FURIN: variants seen among roughly 807,000 people sequenced by gnomAD.
FURIN encodes the protein FES upstream region.
Under a neutral mutation model 89.2 loss-of-function variants are expected in FURIN, and 18 were observed. That is an observed-to-expected ratio of 0.20 (90% CI 0.14 to 0.30). FURIN has a LOEUF of 0.30. Among genes scored for constraint, FURIN ranks in the 10% least tolerant of loss-of-function variants. The pLI, the probability that FURIN is intolerant of heterozygous loss-of-function variation, is 1.00. For missense variants in FURIN, 879 were observed against 1,100.5 expected (o/e 0.80, Z 2.85); for synonymous variants, 508 against 466.4 (o/e 1.09, Z -1.15).
chr15:90,881,916 T>G lies in FURIN; in HGVS notation c.*38T>G, dbSNP rs1194436522. 3 of 1,389,696 alleles carry G rather than the reference T, an allele frequency of 2.2e-6. No individual in the cohort carries two copies. The South Asian group carries it at 3.7e-5, about 17-fold the overall frequency. 86.1% of individuals were successfully genotyped at this position (1,389,696 alleles called of 1,614,324 possible). On this transcript the variant is annotated 3_prime_UTR_variant, in exon 16 of 16. Coordinates refer to ENST00000268171, the MANE Select transcript of FURIN (RefSeq NM_002569.4). The surrounding 1 kb of genome is among the most constrained non-coding windows in gnomAD (Gnocchi z 4.3). ...CCACCCCCTCAAGCCAATCCCCTCC[T>G]TGGGCACTTTTTAATTCACCAAAGT...
In FURIN at chr15:90,877,637, C is replaced by A. The variant is rs767192444; in HGVS notation, c.667+22C>A. 5.3e-6 allele frequency: 8 copies of A among 1,512,596 alleles called. No homozygotes were observed. The South Asian group carries it at 8.5e-5, about 16-fold the overall frequency. 93.7% of individuals were successfully genotyped at this position (1,512,596 alleles called of 1,614,324 possible). On this transcript the variant is annotated intron_variant, in intron 7 of 15. Coordinates refer to ENST00000268171, the MANE Select transcript of FURIN (RefSeq NM_002569.4). Reference sequence around the variant, plus strand: ...GGAGGTGAGTGTGGGCCTGGGCCACCCTGTCTTCAGGAGGGCCCTTCAGTG... The same window carrying A: ...GGAGGTGAGTGTGGGCCTGGGCCACACTGTCTTCAGGAGGGCCCTTCAGTG...
At chr15:90,879,080 G>A in intron 9 of FURIN, 104 bp downstream of exon 9, 1 of 734,976 alleles carries the variant, frequency 1.4e-6, no homozygotes, top group South Asian at 1.7e-5. Context: ...ATGTGGCTGG[G>A]TGATAGTGGC....
chr15:90,877,368 G>A lies in FURIN; in HGVS notation c.578+157G>A, dbSNP rs575104539. On this transcript the variant is annotated intron_variant, in intron 6 of 15. Transcript: ENST00000268171. ...TCTGAGGGAGGGCTCGGTCAGAGTG[G>A]AGATGGCCACAGGCCCAGTGGAGTG... Among the ~76,000 whole-genome samples, 12 of 152,364 alleles carry A rather than the reference G, an allele frequency of 7.9e-5. No homozygotes were observed. The South Asian group carries it at 2.5e-3, about 32-fold the overall frequency.
chr15:90,874,422 C>T (rs1596074727), intron 1 of FURIN, among the ~76,000 whole-genome samples: 1 of 152,234 alleles, frequency 6.6e-6, no homozygotes, highest in Non-Finnish European at 1.5e-5. Flanking sequence ...GGCTTGGCGG[C>T]CCCAGCGTTC....
chr15:90,878,960 A>G lies in FURIN; in HGVS notation c.1037A>G (p.Gln346Arg). 1 of 1,593,372 alleles carries G rather than the reference A, an allele frequency of 6.3e-7. No individual in the cohort carries two copies. Among genetic ancestry groups the G allele is most frequent in the Non-Finnish European group, 8.6e-7 (1 of 1,167,398 alleles). The change falls in exon 9 of 16, where the codon CAG (glutamine) becomes CGG (arginine). Residue 346 changes from glutamine to arginine, a missense_variant. This residue lies in a region of FURIN where 156 missense variants were observed against 243.7 expected (regional missense o/e 0.64). Transcript: ENST00000268171. Reference protein sequence around the residue: ...TLATTYSSGNQNEKQIVTTDL... With the variant: ...TLATTYSSGNRNEKQIVTTDL... ...GCCACGACCTACAGCAGTGGCAACC[A>G]GAATGAGAAGCAGATCGTGAGTCTT...
Position 90,876,019 on chromosome 15 carries a change from T to A in FURIN, c.177+102T>A. 9.4e-7 allele frequency: 1 copy of A among 1,065,264 alleles called. No homozygotes were observed. Among genetic ancestry groups the A allele is most frequent in the Non-Finnish European group, 1.3e-6 (1 of 746,770 alleles). 66.0% of individuals were successfully genotyped at this position (1,065,264 alleles called of 1,614,324 possible). A position where few individuals can be genotyped will look rare whatever the true frequency, so the allele number is the denominator to read the frequency against. On this transcript the variant is annotated intron_variant, in intron 2 of 15. Coordinates refer to ENST00000268171, the MANE Select transcript of FURIN (RefSeq NM_002569.4). The surrounding 1 kb of genome is among the most constrained non-coding windows in gnomAD (Gnocchi z 5.0). ...CCTTGTTTGCTCAGGGGCATCTGGG[T>A]AGCCGGCATGTTCTGGGTGGCCATG...
intron 13 of FURIN, 84 bp from the exon 14 acceptor site, chr15:90,880,607 T>G: frequency 2.1e-6 from 3 of 1,448,640 alleles, no homozygotes; most frequent in Non-Finnish European, 2.8e-6. Flanking sequence ...GGGGGAAGGG[T>G]GTGTGGCCCA....
At position 90,877,306 on chromosome 15, in the gene FURIN, G is replaced by A. The variant is rs934667608; in HGVS notation, c.578+95G>A. On this transcript the variant is annotated intron_variant, in intron 6 of 15. Transcript: ENST00000268171. ...GGGTGAGATGTGCCTTGCCTAAAAG[G>A]CTGAGGCTTTTCCCACAGTCCTGGC... 3.0e-5 allele frequency: 35 copies of A among 1,154,084 alleles called. No individual in the cohort carries two copies. In the East Asian group the frequency reaches 8.9e-4, roughly 29 times the overall value. The allele number at this position is 1,154,084 out of a possible 1,614,324, so 71.5% of individuals were successfully genotyped here.
chr15:90,877,351 A>C (rs2031688315), intron 6 of FURIN, 140 bp downstream of exon 6: 2 of 935,036 alleles, frequency 2.1e-6, no homozygotes, highest in South Asian at 3.4e-5. Context: ...GCTCTGAGGG[A>C]GGGCTCGGTC....
In FURIN at chr15:90,882,136, C is replaced by T. The variant is rs553515299; in HGVS notation, c.*258C>T. 1.8e-5 allele frequency: 8 copies of T among 452,854 alleles called. No individual in the cohort carries two copies. The highest frequency in any genetic ancestry group is 1.2e-3 in the Middle Eastern group (2 of 1,714). 28.1% of individuals were successfully genotyped at this position (452,854 alleles called of 1,614,324 possible). A position where few individuals can be genotyped will look rare whatever the true frequency, so the allele number is the denominator to read the frequency against. ...GGAGTGAAACCTTTAGGGCAGCTTG[C>T]CCCGGCCCCGGCCCCAGCCAGAGTT... is the stretch of plus-strand genomic sequence containing the variant. On this transcript the variant is annotated 3_prime_UTR_variant, in exon 16 of 16. Coordinates refer to ENST00000268171, the MANE Select transcript of FURIN (RefSeq NM_002569.4).
At position 90,880,782 on chromosome 15, in the gene FURIN, G is replaced by A; in HGVS notation, c.1648G>A (p.Glu550Lys). The change falls in exon 14 of 16, where the codon GAG becomes AAG. Residue 550 changes from glutamate to lysine, a missense_variant. Coordinates refer to ENST00000268171, the MANE Select transcript of FURIN (RefSeq NM_002569.4). Reference protein sequence around the residue: ...DEDPSGEWVLEIENTSEANNY... With the variant: ...DEDPSGEWVLKIENTSEANNY... ...GGATCCCTCTGGCGAGTGGGTCCTA[G>A]AGATTGAAAACACCAGCGAAGCCAA... is the stretch of plus-strand genomic sequence containing the variant. 6.2e-7 allele frequency: 1 copy of A among 1,613,964 alleles called. No individual in the cohort carries two copies.
At position 90,881,320 on chromosome 15, in the gene FURIN, C is replaced by G; in HGVS notation, c.1827C>G (p.Ser609Arg). The change falls in exon 16 of 16, where the codon AGC becomes AGG. Residue 609 changes from serine to arginine, a missense_variant. By Grantham distance (110) the Ser-to-Arg change is moderately radical. This residue lies in a region of FURIN where 457 missense variants were observed against 490.7 expected (regional missense o/e 0.93). Coordinates refer to ENST00000268171, the MANE Select transcript of FURIN (RefSeq NM_002569.4). The surrounding 1 kb of genome is among the most constrained non-coding windows in gnomAD (Gnocchi z 4.3). ...CEEGFSLHQK[S>R]CVQHCPPGFA... ...AAGGCTTCTCCCTGCACCAGAAGAG[C>G]TGTGTCCAGCACTGCCCTCCAGGGT... The G allele has an allele frequency of 6.2e-7, 1 of 1,609,366 alleles. No individual in the cohort carries two copies. Among genetic ancestry groups the G allele is most frequent in the Non-Finnish European group, 8.5e-7 (1 of 1,177,298 alleles).
chr15:90,876,690 C>T lies in FURIN; in HGVS notation c.372+133C>T. On this transcript the variant is annotated intron_variant, in intron 4 of 15. Transcript: ENST00000268171. This position sits in a 1 kb window ranked among gnomAD's most constrained non-coding sequence, Gnocchi z 5.0. Reference sequence around the variant, plus strand: ...CCTTTCCTCCTGCTGGGCAGTCTCTCCTTGGCCCATCCTAATAAGCAAGCC... The same window carrying T: ...CCTTTCCTCCTGCTGGGCAGTCTCTTCTTGGCCCATCCTAATAAGCAAGCC... 1 of 813,964 alleles carries T rather than the reference C, an allele frequency of 1.2e-6. No homozygotes were observed. 50.4% of individuals were successfully genotyped at this position (813,964 alleles called of 1,614,324 possible).
rs747205781 is a variant in FURIN, at chr15:90,878,176, C to T, written c.712C>T (p.Arg238Cys). ...DGEVTDAVEA[R>C]SLGLNPNHIH... ...CGAGGTGACAGATGCAGTGGAGGCA[C>T]GCTCGCTGGGCCTGAACCCCAACCA... is the stretch of plus-strand genomic sequence containing the variant. The change falls in exon 8 of 16, where the codon CGC becomes TGC. Residue 238 changes from arginine (R) to cysteine (C), a missense_variant. Around this residue, in one of 5 missense-constraint regions of FURIN, gnomAD observed 139 missense variants for 215.0 expected, o/e 0.65. Coordinates refer to ENST00000268171, the MANE Select transcript of FURIN (RefSeq NM_002569.4). 36 of 1,613,732 alleles carry T rather than the reference C, an allele frequency of 2.2e-5. No homozygotes were observed. Among genetic ancestry groups the T allele is most frequent in the South Asian group, 6.6e-5 (6 of 91,090 alleles).
Position 90,881,429 on chromosome 15 carries a change from G to C in FURIN, c.1936G>C (p.Ala646Pro). The stretch of plus-strand genomic sequence containing the variant: ...GGCCAGCGTCTGCGCCCCCTGCCAC[G>C]CCTCATGTGCCACATGCCAGGGGCC... ...IRASVCAPCH[A>P]SCATCQGPAL... Residue 646 changes from alanine to proline, a missense_variant, in exon 16 of 16, where the codon GCC becomes CCC. This residue lies in a region of FURIN where 457 missense variants were observed against 490.7 expected (regional missense o/e 0.93). Transcript: ENST00000268171. The surrounding 1 kb of genome is among the most constrained non-coding windows in gnomAD (Gnocchi z 4.3). 3 of 1,612,474 alleles carry C rather than the reference G, an allele frequency of 1.9e-6. No individual in the cohort carries two copies. Among genetic ancestry groups the C allele is most frequent in the Non-Finnish European group, 8.5e-7 (1 of 1,179,896 alleles).
At position 90,878,886 on chromosome 15, in the gene FURIN, G is replaced by T. The variant is rs148427298; in HGVS notation, c.963G>T (p.Thr321=). The T allele has an allele frequency of 6.2e-7, 1 of 1,612,964 alleles. No individual in the cohort carries two copies. The change falls in exon 9 of 16, where the codon ACG becomes ACT. Residue 321 remains threonine (T), a synonymous_variant. Transcript: ENST00000268171. ...SIYTLSISSA[T]QFGNVPWYSE... is the part of the protein sequence containing the mutation. Reference sequence around the variant, plus strand: ...ACACGCTGTCCATCAGCAGCGCCACGCAGTTTGGCAACGTGCCGTGGTACA... The same window carrying T: ...ACACGCTGTCCATCAGCAGCGCCACTCAGTTTGGCAACGTGCCGTGGTACA...
At position 90,881,439 on chromosome 15, in the gene FURIN, C is replaced by T. The variant is rs1267948590; in HGVS notation, c.1946C>T (p.Ala649Val). The change falls in exon 16 of 16, where the codon GCC becomes GTC. Residue 649 changes from alanine (A) to valine (V), a missense_variant. Physicochemically the swap from Ala to Val is moderately conservative, Grantham distance 64. This residue lies in a region of FURIN where 457 missense variants were observed against 490.7 expected (regional missense o/e 0.93). Coordinates refer to ENST00000268171, the MANE Select transcript of FURIN (RefSeq NM_002569.4). This position sits in a 1 kb window ranked among gnomAD's most constrained non-coding sequence, Gnocchi z 4.3. The stretch of plus-strand genomic sequence containing the variant: ...TGCGCCCCCTGCCACGCCTCATGTG[C>T]CACATGCCAGGGGCCGGCCCTGACA... ...SVCAPCHASC[A>V]TCQGPALTDC... is the part of the protein sequence containing the mutation. The T allele has an allele frequency of 3.1e-6, 5 of 1,612,548 alleles. No individual in the cohort carries two copies. Among genetic ancestry groups the T allele is most frequent in the Non-Finnish European group, 3.4e-6 (4 of 1,179,940 alleles).
chr15:90,879,569 A>G (rs752346950), intron 10 of FURIN, 25 bp downstream of exon 10: 1 of 1,572,396 alleles, frequency 6.4e-7, no homozygotes, highest in South Asian at 1.1e-5. Flanking sequence ...GCCAGCGGCA[A>G]CCCTGTCCCT....
Position 90,878,180 on chromosome 15 carries a change from C to T in FURIN, c.716C>T (p.Ser239Leu). 6.2e-7 allele frequency: 1 copy of T among 1,613,896 alleles called. No homozygotes were observed. Among genetic ancestry groups the T allele is most frequent in the Non-Finnish European group, 8.5e-7 (1 of 1,179,988 alleles). ...GEVTDAVEARSLGLNPNHIHI... is the reference protein window; with the variant it reads ...GEVTDAVEARLLGLNPNHIHI... ...GTGACAGATGCAGTGGAGGCACGCT[C>T]GCTGGGCCTGAACCCCAACCACATC... Residue 239 changes from serine (S) to leucine (L), a missense_variant, in exon 8 of 16, where the codon TCG (serine) becomes TTG (leucine). Ser to Leu is a moderately radical substitution (Grantham distance 145). This residue lies in a region of FURIN where 139 missense variants were observed against 215.0 expected (regional missense o/e 0.65). Transcript: ENST00000268171.
Sources: gnomAD v4.1 joint callset for allele counts (sites outside exome capture counted in the v4.1 genomes callset) on GRCh38, gnomAD v4.1.1 for gene constraint, gnomAD v4.1.1 regional missense constraint, Gnocchi (gnomAD v3.1) non-coding constraint, MANE v1.5 for transcripts, NCBI Gene and HGNC (gene_info 2026-07-23, HGNC 2026-07-21) for gene names.